The following PKHD1 variants were observed in gnomAD, a reference collection of about 807,000 sequenced individuals.
PKHD1 encodes PKHD1 ciliary IPT domain containing fibrocystin/polyductin.
A neutral mutation model predicts 412.0 loss-of-function variants in PKHD1; 291 were observed. That is an observed-to-expected ratio of 0.71 (90% CI 0.64 to 0.78). The LOEUF (loss-of-function observed/expected upper bound fraction) is 0.78. Ranked by LOEUF, PKHD1 falls within the 30% of genes least tolerant of loss-of-function variation. The probability of loss-of-function intolerance (pLI) is 0.00; values close to 1 mark genes in which losing one functional copy is unlikely to be tolerated. For synonymous variants in PKHD1, 1,777 were observed against 1,821.5 expected (o/e 0.98, Z 0.62); for missense variants, 4,825 against 4,950.7 (o/e 0.97, Z 0.76).
intron 37 of PKHD1, among the ~76,000 whole-genome samples, chr6:51,930,834 C>CA (rs1224535151): frequency 1.3e-5 from 2 of 152,178 alleles, no homozygotes; most frequent in African/African-American, 4.8e-5. Context: ...AGCTGGGAAG[C>CA]AGCTGCACCA....
chr6:51,658,803 T>C (rs1430253214), intron 61 of PKHD1, 149 bp downstream of exon 61: 2 of 628,870 alleles, frequency 3.2e-6, no homozygotes, highest in Non-Finnish European at 5.6e-6. Flanking sequence ...AGAATTTAAG[T>C]CTTTAAATGA....
intron 52 of PKHD1, among the ~76,000 whole-genome samples, chr6:51,810,774 G>A (rs1463715534): frequency 1.3e-5 from 2 of 152,162 alleles, no homozygotes; most frequent in East Asian, 3.9e-4. Context: ...GTGACAAGGG[G>A]AAGAAAGACA....
At chr6:51,924,364 G>A (rs982054657) in intron 37 of PKHD1, among the ~76,000 whole-genome samples, 1 of 152,284 alleles carries the variant, frequency 6.6e-6, no homozygotes, top group East Asian at 1.9e-4. Flanking sequence ...GGGTGGCCAA[G>A]GGGGAGAGTT....
intron 4 of PKHD1, among the ~76,000 whole-genome samples, 157 bp downstream of exon 4, chr6:52,082,235 G>A (rs1186701455): frequency 6.6e-6 from 1 of 152,124 alleles, no homozygotes; most frequent in Non-Finnish European, 1.5e-5. Flanking sequence ...CCCCAGATAG[G>A]GACCTTTTAG....
intron 43 of PKHD1, among the ~76,000 whole-genome samples, chr6:51,898,898 A>C (rs1780662516): frequency 6.6e-6 from 1 of 152,216 alleles, no homozygotes; most frequent in Non-Finnish European, 1.5e-5. Flanking sequence ...CTCTACGCAA[A>C]TAAACTAGAA....
At chr6:51,795,940 C>A (rs1794523023) in intron 52 of PKHD1, among the ~76,000 whole-genome samples, 1 of 152,122 alleles carries the variant, frequency 6.6e-6, no homozygotes, top group Non-Finnish European at 1.5e-5. Flanking sequence ...TTGTTGAGAA[C>A]TTTTGCATTG....
intron 27 of PKHD1, among the ~76,000 whole-genome samples, chr6:52,042,546 A>C (rs1382559449): frequency 6.6e-6 from 1 of 152,184 alleles, no homozygotes; most frequent in Non-Finnish European, 1.5e-5. Context: ...CTCAAATGGC[A>C]ATCAGTTTTC....
Position 52,010,445 on chromosome 6 carries a change from C to G in PKHD1, c.5615G>C (p.Arg1872Thr), listed in dbSNP as rs1799661507. The stretch of plus-strand genomic sequence containing the variant: ...GCTATTATAGATGAGAACTTCATCT[C>G]TTTCCAATTTAGGGCTGAAACGAGA... ...SGLFISPKLE[R>T]DEVLIYNSSC... is the part of the protein sequence containing the mutation. Residue 1872 changes from arginine (R) to threonine (T), a missense_variant, in exon 35 of 67, where the codon AGA (arginine) becomes ACA (threonine). Physicochemically the swap from Arg to Thr is moderately conservative, Grantham distance 71 (BLOSUM62 -1). Coordinates refer to ENST00000371117, the MANE Select transcript of PKHD1 (RefSeq NM_138694.4). The G allele has an allele frequency of 6.2e-7, 1 of 1,600,366 alleles. No homozygotes were observed. Among genetic ancestry groups the G allele is most frequent in the Non-Finnish European group, 8.6e-7 (1 of 1,167,574 alleles).
At chr6:52,064,278 C>T (rs1300209927) in intron 13 of PKHD1, among the ~76,000 whole-genome samples, 1 of 152,216 alleles carries the variant, frequency 6.6e-6, no homozygotes, top group Non-Finnish European at 1.5e-5. Context: ...AACTGCCCTT[C>T]ATCCCTGACT....
intron 48 of PKHD1, among the ~76,000 whole-genome samples, chr6:51,859,328 C>T (rs373335296): frequency 4.9e-4 from 75 of 151,944 alleles, no homozygotes; most frequent in African/African-American, 1.7e-3. Context: ...AGATCGAGAC[C>T]ATCCTGGCTA....
chr6:51,733,255 G>A (rs2097414336), intron 60 of PKHD1, among the ~76,000 whole-genome samples: 1 of 152,064 alleles, frequency 6.6e-6, no homozygotes. Context: ...AAATGGTTAA[G>A]ATGGGCCAGG....
chr6:51,651,464 G>A (rs1006581414), intron 61 of PKHD1, among the ~76,000 whole-genome samples: 4 of 152,062 alleles, frequency 2.6e-5, no homozygotes, highest in Non-Finnish European at 4.4e-5. Flanking sequence ...GGGGGTGAAA[G>A]GTCATCAAAT....
Position 51,943,289 on chromosome 6 carries a change from T to A in PKHD1, c.5909-8967A>T, listed in dbSNP as rs147238637. 4.1e-3 allele frequency among the ~76,000 whole-genome samples: 617 copies of A among 151,510 alleles called. 9 individuals are homozygous for A. Among genetic ancestry groups the A allele is most frequent in the African/African-American group, 0.014 (570 of 41,458 alleles). On this transcript the variant is annotated intron_variant, in intron 36 of 66. Transcript: ENST00000371117. Reference sequence around the variant, plus strand: ...TCAGAATTCAGGCCTGAACTCGGAATGCTACAAGGTACAGCCCATTTGAGC... The same window carrying A: ...TCAGAATTCAGGCCTGAACTCGGAAAGCTACAAGGTACAGCCCATTTGAGC...
chr6:51,626,399 G>T (rs1425712393), intron 66 of PKHD1, among the ~76,000 whole-genome samples: 3 of 152,094 alleles, frequency 2.0e-5, no homozygotes, highest in Non-Finnish European at 4.4e-5. Flanking sequence ...TTCTTAGTAG[G>T]ACAAGGGCAA....
At chr6:51,693,396 G>T (rs758079416) in intron 60 of PKHD1, among the ~76,000 whole-genome samples, 3 of 152,152 alleles carry the variant, frequency 2.0e-5, no homozygotes, top group African/African-American at 7.2e-5. Context: ...ATACAGGCAC[G>T]TTTATACAAA....
In PKHD1 at chr6:51,775,799, T is replaced by C. The variant is rs764785825; in HGVS notation, c.8554+9A>G. On this transcript the variant is annotated intron_variant, in intron 54 of 66. Coordinates refer to ENST00000371117, the MANE Select transcript of PKHD1 (RefSeq NM_138694.4). ...TTTATTTTTAATAAAAACTATATTA[T>C]ACTCTTACCAATTGTTCCTGGGTCA... 1 of 1,233,662 alleles carries C rather than the reference T, an allele frequency of 8.1e-7. No individual in the cohort carries two copies. The highest frequency in any genetic ancestry group is 1.2e-6 in the Non-Finnish European group (1 of 835,710). 76.4% of individuals were successfully genotyped at this position (1,233,662 alleles called of 1,614,324 possible).
At chr6:51,891,049 A>C (rs1422502233) in intron 43 of PKHD1, among the ~76,000 whole-genome samples, 1 of 152,222 alleles carries the variant, frequency 6.6e-6, no homozygotes, top group Non-Finnish European at 1.5e-5. Flanking sequence ...AGGGTCTTGC[A>C]CTAGCCTTTC....
intron 60 of PKHD1, among the ~76,000 whole-genome samples, chr6:51,710,916 A>G (rs1186125536): frequency 2.0e-5 from 3 of 152,164 alleles, no homozygotes; most frequent in African/African-American, 4.8e-5. Context: ...CAACAATACT[A>G]TCATAACCAT....
chr6:51,836,485 C>G lies in PKHD1; in HGVS notation c.8108-16G>C, dbSNP rs73442356. On this transcript the variant is annotated splice_polypyrimidine_tract_variant and intron_variant, in intron 50 of 66. Transcript: ENST00000371117. Reference sequence around the variant, plus strand: ...TCACCTGAAACTAAATACCAAAAGCCACAACTTGCATGTGATACAAAGATC... The same window carrying G: ...TCACCTGAAACTAAATACCAAAAGCGACAACTTGCATGTGATACAAAGATC... 3.4e-3 allele frequency: 5,451 copies of G among 1,582,314 alleles called. 151 individuals are homozygous for G. The African/African-American group carries it at 0.061, about 18-fold the overall frequency.
Sources: allele counts gnomAD v4.1 joint callset (sites outside exome capture counted in the v4.1 genomes callset), GRCh38; gene constraint gnomAD v4.1.1; transcripts MANE v1.5; gene names NCBI Gene and HGNC (gene_info 2026-07-23, HGNC 2026-07-21).